Variants in GSK3B observed in about 807,000 individuals in gnomAD.
The protein encoded by GSK3B is glycogen synthase kinase 3 beta.
A neutral mutation model predicts 56.4 loss-of-function variants in GSK3B; 15 were observed. That is an observed-to-expected ratio of 0.27 (90% CI 0.18 to 0.41). GSK3B has a LOEUF of 0.41. Ranked by LOEUF, GSK3B falls within the 10% of genes least tolerant of loss-of-function variation. GSK3B has a pLI of 1.00. For missense variants in GSK3B, 300 were observed against 513.4 expected (o/e 0.58, Z 4.02); for synonymous variants, 181 against 188.9 (o/e 0.96, Z 0.34).
At chr3:119,985,468 T>C (rs1366699481) in intron 2 of GSK3B, among the ~76,000 whole-genome samples, 4 of 152,168 alleles carry the variant, frequency 2.6e-5, no homozygotes, top group Non-Finnish European at 4.4e-5. Context: ...CTCAAGCTGA[T>C]AACCAACTTC....
At chr3:119,938,755 A>ATT (rs1439205106) in intron 3 of GSK3B, among the ~76,000 whole-genome samples, 26 of 152,254 alleles carry the variant, frequency 1.7e-4, no homozygotes, top group African/African-American at 6.0e-4. Context: ...AATCTATAGA[A>ATT]ATAGTTATTG....
intron 1 of GSK3B, among the ~76,000 whole-genome samples, chr3:120,082,243 C>T (rs540928140): frequency 6.6e-6 from 1 of 152,074 alleles, no homozygotes; most frequent in Non-Finnish European, 1.5e-5. Flanking sequence ...TTAAACCACA[C>T]ACACCTTTTC....
At chr3:119,851,361 G>T (rs1378381824) in intron 9 of GSK3B, among the ~76,000 whole-genome samples, 1 of 152,148 alleles carries the variant, frequency 6.6e-6, no homozygotes, top group Non-Finnish European at 1.5e-5. Flanking sequence ...CATCTAGTTG[G>T]TAAAATCTGA....
At chr3:119,980,903 T>C (rs1249747550) in intron 2 of GSK3B, among the ~76,000 whole-genome samples, 3 of 152,184 alleles carry the variant, frequency 2.0e-5, no homozygotes, top group South Asian at 2.1e-4. Flanking sequence ...AAGAAAGAGA[T>C]GTTTACAAGT....
chr3:120,086,328 T>C (rs1046278717), intron 1 of GSK3B, among the ~76,000 whole-genome samples: 1 of 152,110 alleles, frequency 6.6e-6, no homozygotes, highest in East Asian at 1.9e-4. Context: ...CACTAAAGAC[T>C]TTAGTACCTT....
intron 3 of GSK3B, among the ~76,000 whole-genome samples, chr3:119,938,937 T>TA (rs2057021420): frequency 6.6e-6 from 1 of 151,516 alleles, no homozygotes; most frequent in East Asian, 1.9e-4. Context: ...ACAAAATTAA[T>TA]AAAATCTCAC....
chr3:119,870,913 T>A (rs906054582), intron 8 of GSK3B, among the ~76,000 whole-genome samples: 1 of 152,110 alleles, frequency 6.6e-6, no homozygotes, highest in Non-Finnish European at 1.5e-5. Flanking sequence ...GTGAATGAAA[T>A]GAGTAATGCA....
chr3:119,990,487 A>G (rs2057554343), intron 2 of GSK3B, among the ~76,000 whole-genome samples: 1 of 152,224 alleles, frequency 6.6e-6, no homozygotes, highest in Non-Finnish European at 1.5e-5. Context: ...TACAATAGAT[A>G]TGCTCAAGCT....
At chr3:119,936,573 C>T (rs1052161977) in intron 3 of GSK3B, among the ~76,000 whole-genome samples, 1 of 151,550 alleles carries the variant, frequency 6.6e-6, no homozygotes, top group African/African-American at 2.4e-5. Flanking sequence ...GTCTCGAACT[C>T]CTGACCTCAG....
chr3:120,034,025 G>A (rs1036997387), intron 1 of GSK3B, among the ~76,000 whole-genome samples: 3 of 152,166 alleles, frequency 2.0e-5, no homozygotes, highest in African/African-American at 4.8e-5. Flanking sequence ...CTTCCTTGTA[G>A]AAGTAGATAT....
intron 2 of GSK3B, among the ~76,000 whole-genome samples, chr3:119,989,799 AC>A (rs2057547771): frequency 1.3e-5 from 2 of 152,106 alleles, no homozygotes; most frequent in Admixed American, 1.3e-4. Context: ...TGCCCAATTA[AC>A]CTTTTTCAAA....
chr3:119,887,580 T>G (rs975362222), intron 7 of GSK3B, among the ~76,000 whole-genome samples: 27 of 151,738 alleles, frequency 1.8e-4, no homozygotes, highest in African/African-American at 6.1e-4. Context: ...AAAATAGCAA[T>G]AGAAACTATC....
chr3:119,834,182 G>T (rs533397957), intron 10 of GSK3B, among the ~76,000 whole-genome samples: 1 of 152,066 alleles, frequency 6.6e-6, no homozygotes, highest in East Asian at 1.9e-4. Context: ...TTTATACTGT[G>T]TACCTAACTC....
intron 1 of GSK3B, among the ~76,000 whole-genome samples, chr3:120,041,756 G>C (rs1370277576): frequency 6.6e-6 from 1 of 152,230 alleles, no homozygotes; most frequent in Non-Finnish European, 1.5e-5. Context: ...CTGGGCGACA[G>C]TTCTTTATAG....
chr3:119,842,536 C>CAGTAACAAT (rs2055788425), intron 10 of GSK3B, among the ~76,000 whole-genome samples: 1 of 152,072 alleles, frequency 6.6e-6, no homozygotes, highest in Admixed American at 6.6e-5. Context: ...TCAGTAACAA[C>CAGTAACAAT]ATATTTATAT....
chr3:120,036,720 G>A (rs781301204), intron 1 of GSK3B, among the ~76,000 whole-genome samples: 13 of 147,970 alleles, frequency 8.8e-5, no homozygotes, highest in Non-Finnish European at 1.8e-4. Flanking sequence ...TTGAACCCGG[G>A]AGGCAGAAGT....
intron 2 of GSK3B, among the ~76,000 whole-genome samples, chr3:119,967,659 A>G (rs1347353882): frequency 1.3e-5 from 2 of 152,206 alleles, no homozygotes; most frequent in East Asian, 3.9e-4. Context: ...AGATTTTTCA[A>G]CAAATGAAGC....
At chr3:119,969,940 T>C in intron 2 of GSK3B, among the ~76,000 whole-genome samples, 1 of 152,206 alleles carries the variant, frequency 6.6e-6, no homozygotes, top group East Asian at 1.9e-4. Flanking sequence ...AGGTCATGAA[T>C]CATCCCTTTG....
intron 3 of GSK3B, among the ~76,000 whole-genome samples, chr3:119,929,128 C>G (rs1490089321): frequency 6.6e-6 from 1 of 151,918 alleles, no homozygotes; most frequent in Admixed American, 6.6e-5. Flanking sequence ...AAGAGTAATG[C>G]TGAAGGCTAA....
Sources: allele counts gnomAD v4.1 joint callset (sites outside exome capture counted in the v4.1 genomes callset), GRCh38; gene constraint gnomAD v4.1.1; transcripts MANE v1.5; gene names NCBI Gene and HGNC (gene_info 2026-07-23, HGNC 2026-07-21).